Variants in MET observed in about 807,000 individuals in gnomAD.
MET encodes the protein MET proto-oncogene, receptor tyrosine kinase.
MET carries 48 observed loss-of-function variants against 133.1 expected under a neutral mutation model. The ratio of observed to expected loss-of-function variants is 0.36; its 90% confidence interval spans 0.29 to 0.46. The LOEUF is 0.46. Ranked by LOEUF, MET falls within the 20% of genes least tolerant of loss-of-function variation. The pLI is 1.00. For synonymous variants in MET, 628 were observed against 616.5 expected, an observed-to-expected ratio of 1.02 and a Z score of -0.28; for missense variants, 1,442 against 1,695.9, an observed-to-expected ratio of 0.85 and a Z score of 2.63.
intron 1 of MET, among the ~76,000 whole-genome samples, chr7:116,696,583 C>T (rs1796974065): frequency 6.6e-6 from 1 of 152,216 alleles, no homozygotes; most frequent in Non-Finnish European, 1.5e-5. Context: ...TATTTGCTCT[C>T]TTGATGCCTC....
rs188625702 is a variant in MET, at chr7:116,699,120, C to A, written c.36C>A (p.Leu12=). 6.2e-7 allele frequency: 1 copy of A among 1,613,878 alleles called. No individual in the cohort carries two copies. Among genetic ancestry groups the A allele is most frequent in the Non-Finnish European group, 8.5e-7 (1 of 1,179,856 alleles). ...CCGCTGTGCTTGCACCTGGCATCCTCGTGCTCCTGTTTACCTTGGTGCAGA... is the reference window on the plus strand; with the variant it reads ...CCGCTGTGCTTGCACCTGGCATCCTAGTGCTCCTGTTTACCTTGGTGCAGA... ...KAPAVLAPGI[L]VLLFTLVQRS... Residue 12 remains leucine, a synonymous_variant, in exon 2 of 21, where the codon CTC becomes CTA. Transcript: ENST00000397752.
rs919881814 is a variant in MET, at chr7:116,755,314, A to G, written c.1702-41A>G. 12 of 1,604,758 alleles carry G rather than the reference A, an allele frequency of 7.5e-6. No individual in the cohort carries two copies. In the African/African-American group the frequency reaches 9.4e-5, roughly 13 times the overall value. On this transcript the variant is annotated intron_variant, in intron 5 of 20. Transcript: ENST00000397752. ...TTTTCCATATATGTGAAAAATTATA[A>G]TATATTGGGTTTTTTTAAAAGTTCT... is the stretch of plus-strand genomic sequence containing the variant.
At chr7:116,690,355 C>T (rs1184978892) in intron 1 of MET, among the ~76,000 whole-genome samples, 1 of 152,072 alleles carries the variant, frequency 6.6e-6, no homozygotes, top group African/African-American at 2.4e-5. Context: ...TGAAAAAGGC[C>T]ATATTCACAT....
At chr7:116,781,258 A>G (rs965036276) in intron 17 of MET, among the ~76,000 whole-genome samples, 2 of 152,162 alleles carry the variant, frequency 1.3e-5, no homozygotes, top group African/African-American at 4.8e-5. Flanking sequence ...CTCTGCCTCT[A>G]GAGCCCAGGG....
intron 5 of MET, among the ~76,000 whole-genome samples, chr7:116,741,417 C>T (rs959677295): frequency 6.6e-5 from 10 of 152,168 alleles, no homozygotes; most frequent in Admixed American, 1.3e-4. Flanking sequence ...TCTGATTCCT[C>T]GCCACTTCCT....
intron 2 of MET, among the ~76,000 whole-genome samples, chr7:116,723,505 C>T (rs1268718333): frequency 2.0e-5 from 3 of 152,224 alleles, no homozygotes; most frequent in African/African-American, 4.8e-5. Context: ...CTCCATCCAG[C>T]TTTGTTCCGT....
chr7:116,757,893 T>G, intron 8 of MET, 119 bp downstream of exon 8: 1 of 1,165,892 alleles, frequency 8.6e-7, no homozygotes. Flanking sequence ...GTTTATTTGT[T>G]TACTCTCCTA....
In MET at chr7:116,746,710, C is replaced by T. The variant is rs531167906; in HGVS notation, c.1701+5685C>T. 4.3e-4 allele frequency among the ~76,000 whole-genome samples: 62 copies of T among 143,578 alleles called. 1 individual carries two copies. Among genetic ancestry groups the T allele is most frequent in the African/African-American group, 1.6e-3 (61 of 38,404 alleles). 94.2% of individuals were successfully genotyped at this position (143,578 alleles called of 152,430 possible). A position where few individuals can be genotyped will look rare whatever the true frequency, so the allele number is the denominator to read the frequency against. On this transcript the variant is annotated intron_variant, in intron 5 of 20. Coordinates refer to ENST00000397752, the MANE Select transcript of MET (RefSeq NM_000245.4). The stretch of plus-strand genomic sequence containing the variant: ...AAACCAAACACCGCATGTTCTCACT[C>T]ATAGGTGGGAATTGAACAATGAGAA...
At position 116,732,318 on chromosome 7, in the gene MET, A is replaced by G. The variant is rs928750441; in HGVS notation, c.1392+459A>G. ...GGGACAACATTATCATCAAAATCCC[A>G]TTGTAACTCAAGCTCTCCTGATTCT... is the stretch of plus-strand genomic sequence containing the variant. On this transcript the variant is annotated intron_variant, in intron 3 of 20. Transcript: ENST00000397752. Among the ~76,000 whole-genome samples, 9 of 152,178 alleles carry G rather than the reference A, an allele frequency of 5.9e-5. 1 individual carries two copies. Among genetic ancestry groups the G allele is most frequent in the Admixed American group, 5.2e-4 (8 of 15,260 alleles).
In MET at chr7:116,797,451, C is replaced by G. The variant is rs886588667; in HGVS notation, c.*1327C>G. On this transcript the variant is annotated 3_prime_UTR_variant, in exon 21 of 21. Coordinates refer to ENST00000397752, the MANE Select transcript of MET (RefSeq NM_000245.4). The stretch of plus-strand genomic sequence containing the variant: ...TGTTAAGCAAAACATACTTTAGAAA[C>G]AAATGAAAAAGGCAATTGAAAATCC... 8.8e-6 allele frequency: 2 copies of G among 226,744 alleles called. No homozygotes were observed. The highest frequency in any genetic ancestry group is 1.1e-4 in the Admixed American group (2 of 17,476). 14.0% of individuals were successfully genotyped at this position (226,744 alleles called of 1,614,324 possible).
At chr7:116,726,902 G>C (rs1439566047) in intron 2 of MET, among the ~76,000 whole-genome samples, 2 of 152,162 alleles carry the variant, frequency 1.3e-5, no homozygotes, top group Non-Finnish European at 2.9e-5. Flanking sequence ...CTGGGCCAGG[G>C]GTACAGGTGT....
chr7:116,683,538 C>T (rs2116490711), intron 1 of MET, among the ~76,000 whole-genome samples: 1 of 152,282 alleles, frequency 6.6e-6, no homozygotes, highest in South Asian at 2.1e-4. Context: ...CTTAAGTAGT[C>T]ACTCCTGTTT....
At chr7:116,674,097 A>G (rs560637490) in intron 1 of MET, among the ~76,000 whole-genome samples, 1 of 152,308 alleles carries the variant, frequency 6.6e-6, no homozygotes, top group African/African-American at 2.4e-5. Context: ...TTTTGCTTTT[A>G]ACATGATGGA....
intron 2 of MET, among the ~76,000 whole-genome samples, chr7:116,716,465 AAG>A (rs532947757): frequency 1.4e-4 from 18 of 130,432 alleles, no homozygotes; most frequent in African/African-American, 4.0e-4. Flanking sequence ...AAAAGAAAGA[AAG>A]AGAAAGAAAG....
chr7:116,672,560 G>T lies in MET; in HGVS notation c.-32G>T. On this transcript the variant is annotated 5_prime_UTR_variant, in exon 1 of 21. Coordinates refer to ENST00000397752, the MANE Select transcript of MET (RefSeq NM_000245.4). Reference sequence around the variant, plus strand: ...CCTTGCGCCGCTGACTTCTCCACTGGTTCCTGGGCACCGAAAGGTAAAATT... The same window carrying T: ...CCTTGCGCCGCTGACTTCTCCACTGTTTCCTGGGCACCGAAAGGTAAAATT... 1 of 395,224 alleles carries T rather than the reference G, an allele frequency of 2.5e-6. No homozygotes were observed. Among genetic ancestry groups the T allele is most frequent in the Non-Finnish European group, 4.5e-6 (1 of 223,850 alleles). The allele number at this position is 395,224 out of a possible 1,614,324, so 24.5% of individuals were successfully genotyped here.
At position 116,794,254 on chromosome 7, in the gene MET, CA is replaced by C. The variant is rs539190782; in HGVS notation, c.3799-1399del. Among the ~76,000 whole-genome samples the C allele has an allele frequency of 3.3e-5, 5 of 152,272 alleles. No individual in the cohort carries two copies. The South Asian group carries it at 8.3e-4, about 25-fold the overall frequency. ...AACCTACTCGTATGTGATCAAGGGTCAATTGATACTTGTTAAATTGATTTTA... is the reference window on the plus strand; with the variant it reads ...AACCTACTCGTATGTGATCAAGGGTCATTGATACTTGTTAAATTGATTTTA... On this transcript the variant is annotated intron_variant, in intron 19 of 20. Coordinates refer to ENST00000397752, the MANE Select transcript of MET (RefSeq NM_000245.4).
intron 1 of MET, among the ~76,000 whole-genome samples, chr7:116,685,306 C>T (rs1244120743): frequency 6.6e-6 from 1 of 152,192 alleles, no homozygotes; most frequent in Non-Finnish European, 1.5e-5. Context: ...ATTTAAATCT[C>T]TAGCCCAGAC....
intron 1 of MET, among the ~76,000 whole-genome samples, chr7:116,686,457 C>T (rs1796560806): frequency 6.6e-6 from 1 of 152,130 alleles, no homozygotes; most frequent in Non-Finnish European, 1.5e-5. Context: ...TTTTGTTTTT[C>T]CCTGTAACAC....
At chr7:116,734,628 T>A (rs984209707) in intron 3 of MET, among the ~76,000 whole-genome samples, 2 of 152,244 alleles carry the variant, frequency 1.3e-5, no homozygotes, top group African/African-American at 4.8e-5. Flanking sequence ...TGCAGAGCCA[T>A]GTCAATGTAG....
Sources: allele counts gnomAD v4.1 joint callset (sites outside exome capture counted in the v4.1 genomes callset), GRCh38; gene constraint gnomAD v4.1.1; transcripts MANE v1.5; gene names NCBI Gene and HGNC (gene_info 2026-07-23, HGNC 2026-07-21).